The following STPG4 variants were observed in gnomAD, a reference collection of about 807,000 sequenced individuals.
STPG4 encodes the protein protein STPG4.
Under a neutral mutation model 31.5 loss-of-function variants are expected in STPG4, and 41 were observed. The ratio of observed to expected loss-of-function variants is 1.30; its 90% CI spans 1.01 to 1.69. STPG4 has a LOEUF of 1.69. Ranked by LOEUF, STPG4 falls within the 40% of genes most tolerant of loss-of-function variation. The probability of loss-of-function intolerance (pLI) is 0.00; values close to 1 mark genes in which losing one functional copy is unlikely to be tolerated. For missense variants in STPG4, 375 were observed against 293.4 expected, an observed-to-expected ratio of 1.28 and a Z score of -2.03; for synonymous variants, 141 against 103.0, an observed-to-expected ratio of 1.37 and a Z score of -2.24.
intron 5 of STPG4, among the ~76,000 whole-genome samples, chr2:47,100,792 G>C (rs1458292236): frequency 1.3e-5 from 2 of 151,622 alleles, no homozygotes; most frequent in African/African-American, 2.4e-5. Flanking sequence ...CACCACGAAA[G>C]TCTGCAGCTT....
chr2:47,095,652 G>A (rs6758533), intron 5 of STPG4, among the ~76,000 whole-genome samples: 4,920 of 152,254 alleles, frequency 0.032, 239 homozygotes, highest in African/African-American at 0.11. Context: ...CCAGGCCATG[G>A]GCTGGAAGCT....
chr2:47,118,210 C>A (rs1042970629), intron 5 of STPG4, among the ~76,000 whole-genome samples: 6 of 152,174 alleles, frequency 3.9e-5, no homozygotes, highest in African/African-American at 1.2e-4. Context: ...CCCCATCACT[C>A]GCATTGCTGC....
intron 5 of STPG4, among the ~76,000 whole-genome samples, chr2:47,127,231 T>C (rs1375289974): frequency 6.7e-6 from 1 of 149,018 alleles, no homozygotes; most frequent in Non-Finnish European, 1.5e-5. Context: ...TATTTTCAAA[T>C]AGCTTGTCTT....
At chr2:47,099,887 C>T (rs963659534) in intron 5 of STPG4, among the ~76,000 whole-genome samples, 7 of 152,190 alleles carry the variant, frequency 4.6e-5, no homozygotes, top group East Asian at 1.9e-4. Flanking sequence ...CCAGCAGCTG[C>T]GGAGGGTGTA....
At chr2:47,090,605 G>C (rs950983776) in intron 5 of STPG4, among the ~76,000 whole-genome samples, 4 of 152,130 alleles carry the variant, frequency 2.6e-5, no homozygotes, top group Non-Finnish European at 4.4e-5. Context: ...AGGAACGTTA[G>C]GTGAGCAGTA....
At position 47,096,137 on chromosome 2, in the gene STPG4, A is replaced by G. The variant is rs374985024; in HGVS notation, c.520-5763T>C. On this transcript the variant is annotated intron_variant, in intron 5 of 6. Coordinates refer to ENST00000445927, the MANE Select transcript of STPG4 (RefSeq NM_001163561.2). Reference sequence around the variant, plus strand: ...AGAACTTAGTCCTCATCGACCAAGTAGGCGTGGATTTCCTATGCTCATCAG... The same window carrying G: ...AGAACTTAGTCCTCATCGACCAAGTGGGCGTGGATTTCCTATGCTCATCAG... Among the ~76,000 whole-genome samples the G allele has an allele frequency of 3.9e-5, 6 of 152,356 alleles. No individual in the cohort carries two copies. The South Asian group carries it at 8.3e-4, about 21-fold the overall frequency.
chr2:47,092,067 G>A (rs1272600971), intron 5 of STPG4, among the ~76,000 whole-genome samples: 3 of 141,398 alleles, frequency 2.1e-5, no homozygotes, highest in East Asian at 2.0e-4. Context: ...ATCTCAGAAT[G>A]TTCATAAACA....
intron 5 of STPG4, among the ~76,000 whole-genome samples, chr2:47,092,974 G>A (rs1381040184): frequency 6.6e-6 from 1 of 152,160 alleles, no homozygotes. Flanking sequence ...TGTATTTTTA[G>A]TAGAGATGGG....
chr2:47,154,134 A>C (rs1686985269), intron 1 of STPG4, among the ~76,000 whole-genome samples: 3 of 152,262 alleles, frequency 2.0e-5, no homozygotes, highest in Admixed American at 6.5e-5. Context: ...TAATCAGTAA[A>C]ACTGATATAA....
At chr2:47,129,914 T>A in intron 5 of STPG4, 27 bp downstream of exon 5, 1 of 1,603,626 alleles carries the variant, frequency 6.2e-7, no homozygotes, top group Non-Finnish European at 8.5e-7. Context: ...AAATTCATCA[T>A]GAGTTAACTG....
At chr2:47,109,165 G>A (rs1186097793) in intron 5 of STPG4, among the ~76,000 whole-genome samples, 1 of 152,196 alleles carries the variant, frequency 6.6e-6, no homozygotes, top group East Asian at 1.9e-4. Flanking sequence ...CTCACAGCTG[G>A]ATGGCAATAC....
rs949260884 is a variant in STPG4 at position 47,106,699 on chromosome 2, G to T, written c.520-16325C>A. Among the ~76,000 whole-genome samples the T allele has an allele frequency of 9.9e-5, 15 of 151,888 alleles. 1 individual carries two copies. Among genetic ancestry groups the T allele is most frequent in the African/African-American group, 3.4e-4 (14 of 41,244 alleles). ...TACCGCCCGGCGTTTACAGGAAAAC[G>T]CTTCTGAAATCAGACAATGCCTTTC... On this transcript the variant is annotated intron_variant, in intron 5 of 6. Coordinates refer to ENST00000445927, the MANE Select transcript of STPG4 (RefSeq NM_001163561.2).
chr2:47,132,751 T>C (rs1686511793), intron 3 of STPG4, among the ~76,000 whole-genome samples: 1 of 152,146 alleles, frequency 6.6e-6, no homozygotes, highest in Non-Finnish European at 1.5e-5. Flanking sequence ...AATGTGCATA[T>C]TTGCTTTATG....
At chr2:47,116,727 C>A (rs1472239841) in intron 5 of STPG4, among the ~76,000 whole-genome samples, 12 of 152,048 alleles carry the variant, frequency 7.9e-5, no homozygotes, top group Admixed American at 7.9e-4. Context: ...GTCACTAATG[C>A]CTTAGTATGA....
In STPG4 at chr2:47,138,697, G is replaced by A. The variant is rs185796579; in HGVS notation, c.400-8437C>T. Reference sequence around the variant, plus strand: ...CCCAAGTAGCTGGGATTACAGGAACGTGCCACCACACCCAGCTAATTTTTG... The same window carrying A: ...CCCAAGTAGCTGGGATTACAGGAACATGCCACCACACCCAGCTAATTTTTG... On this transcript the variant is annotated intron_variant, in intron 3 of 6. Coordinates refer to ENST00000445927, the MANE Select transcript of STPG4 (RefSeq NM_001163561.2). Among the ~76,000 whole-genome samples, 368 of 152,204 alleles carry A rather than the reference G, an allele frequency of 2.4e-3. 1 individual carries two copies. The highest frequency in any genetic ancestry group is 8.4e-3 in the African/African-American group (347 of 41,536).
intron 5 of STPG4, among the ~76,000 whole-genome samples, chr2:47,125,568 G>A (rs1686349222): frequency 6.6e-6 from 1 of 152,170 alleles, no homozygotes; most frequent in Non-Finnish European, 1.5e-5. Flanking sequence ...TTGTTGTGCA[G>A]AAACTTTTTA....
chr2:47,118,409 G>A (rs1006200321), intron 5 of STPG4, among the ~76,000 whole-genome samples: 3 of 152,128 alleles, frequency 2.0e-5, no homozygotes. Flanking sequence ...CAAGCTCAGG[G>A]CTCCCTCTGA....
At chr2:47,139,438 T>C (rs936919687) in intron 3 of STPG4, among the ~76,000 whole-genome samples, 4 of 151,176 alleles carry the variant, frequency 2.6e-5, no homozygotes, top group Admixed American at 2.6e-4. Context: ...GAGCAGGTAC[T>C]GTTTATTAAC....
In STPG4 at chr2:47,151,243, C is replaced by T. The variant is rs768095944; in HGVS notation, c.399+15G>A. The T allele has an allele frequency of 2.5e-6, 4 of 1,613,354 alleles. No individual in the cohort carries two copies. Among genetic ancestry groups the T allele is most frequent in the South Asian group, 1.1e-5 (1 of 90,946 alleles). ...TAGCTTTCCCACACAAAGCAATCTG[C>T]CAGTAGCGCTTTACCTGATCTTTGT... On this transcript the variant is annotated intron_variant, in intron 3 of 6. Transcript: ENST00000445927.
Sources: gnomAD v4.1 joint callset for allele counts (sites outside exome capture counted in the v4.1 genomes callset) on GRCh38, gnomAD v4.1.1 for gene constraint, MANE v1.5 for transcripts, NCBI Gene and HGNC (gene_info 2026-07-23, HGNC 2026-07-21) for gene names.